PDE8B: variants seen among roughly 807,000 people sequenced by gnomAD.
The protein encoded by PDE8B is phosphodiesterase 8B, also known as high affinity cAMP-specific and IBMX-insensitive 3',5'-cyclic phosphodiesterase 8B.
A neutral mutation model predicts 101.3 loss-of-function variants in PDE8B; 26 were observed. The observed-to-expected ratio is 0.26, with a 90% CI of 0.19 to 0.36. The LOEUF (loss-of-function observed/expected upper bound fraction) is 0.36, where lower values mean the gene tolerates loss of function less well. Ranked by LOEUF, PDE8B falls within the 10% of genes least tolerant of loss-of-function variation. The pLI, the probability that PDE8B is intolerant of heterozygous loss-of-function variation, is 1.00. For synonymous variants in PDE8B, 424 were observed against 429.3 expected, an observed-to-expected ratio of 0.99 and a Z score of 0.15; for missense variants, 810 against 1,163.1, an observed-to-expected ratio of 0.70 and a Z score of 4.42.
chr5:77,169,270 G>T, the PDE8B span, among the ~76,000 whole-genome samples: 1 of 152,182 alleles, frequency 6.6e-6, no homozygotes, highest in Non-Finnish European at 1.5e-5. Context: ...TAGCAGGGGC[G>T]CAGTTCAGCT....
intron 1 of PDE8B, among the ~76,000 whole-genome samples, chr5:77,310,539 A>T (rs1772365396): frequency 6.6e-6 from 1 of 152,258 alleles, no homozygotes; most frequent in Non-Finnish European, 1.5e-5. Flanking sequence ...ACCTGAACAC[A>T]GCAGTGAAAC....
intron 1 of PDE8B, among the ~76,000 whole-genome samples, chr5:77,307,606 T>A (rs1026144729): frequency 2.6e-5 from 4 of 152,330 alleles, no homozygotes; most frequent in African/African-American, 9.6e-5. Context: ...CTTGTGTTTT[T>A]TTTTTCATGT....
chr5:77,157,045 A>T, the PDE8B span, among the ~76,000 whole-genome samples: 1 of 152,094 alleles, frequency 6.6e-6, no homozygotes, highest in African/African-American at 2.4e-5. Context: ...CAGCAGGGTG[A>T]TCATGGCTTC....
chr5:77,115,063 G>C, the PDE8B span: 1 of 152,118 alleles, frequency 6.6e-6, no homozygotes, highest in Admixed American at 6.6e-5. Context: ...CACCTTATTG[G>C]CCAAATGTGC....
intron 1 of PDE8B, among the ~76,000 whole-genome samples, chr5:77,296,015 C>T (rs1480677109): frequency 6.6e-6 from 1 of 152,154 alleles, no homozygotes. Context: ...AGTGGACTAG[C>T]CCAAGTCAAA....
At chr5:77,244,145 C>A (rs1367987764) in intron 1 of PDE8B, among the ~76,000 whole-genome samples, 2 of 152,036 alleles carry the variant, frequency 1.3e-5, no homozygotes, top group African/African-American at 4.8e-5. Context: ...GAAACCCAGG[C>A]TTGAAGATCG....
At chr5:77,098,155 A>G in the PDE8B span, among the ~76,000 whole-genome samples, 4 of 152,228 alleles carry the variant, frequency 2.6e-5, no homozygotes, top group Non-Finnish European at 4.4e-5. Flanking sequence ...TTTTCTAACT[A>G]TAAATGATTG....
intron 1 of PDE8B, among the ~76,000 whole-genome samples, chr5:77,304,901 G>A (rs1418632729): frequency 1.3e-5 from 2 of 152,174 alleles, no homozygotes; most frequent in Non-Finnish European, 2.9e-5. Flanking sequence ...AAAACCAGTG[G>A]AGGTATCTGG....
At chr5:77,143,716 C>T in the PDE8B span, among the ~76,000 whole-genome samples, 443 of 152,112 alleles carry the variant, frequency 2.9e-3, 2 homozygotes, top group African/African-American at 0.01. Context: ...TCTTCTTGTC[C>T]ACAGAGGGCA....
chr5:77,291,858 G>C, intron 1 of PDE8B: 1 of 1,457,632 alleles, frequency 6.9e-7, no homozygotes, highest in East Asian at 2.3e-5. Context: ...TGTTTTTGAA[G>C]AAGACAAAGA....
At chr5:77,099,999 G>T in the PDE8B span, among the ~76,000 whole-genome samples, 1 of 152,184 alleles carries the variant, frequency 6.6e-6, no homozygotes, top group African/African-American at 2.4e-5. Context: ...CATCAGCAAG[G>T]CATTTGATAC....
At chr5:77,364,782 G>A (rs1374520089) in intron 10 of PDE8B, among the ~76,000 whole-genome samples, 3 of 152,160 alleles carry the variant, frequency 2.0e-5, no homozygotes. Context: ...GGTGCCATTA[G>A]TTCTGCAAGT....
chr5:77,335,942 T>C (rs1009945253), intron 5 of PDE8B, among the ~76,000 whole-genome samples: 2 of 152,158 alleles, frequency 1.3e-5, no homozygotes, highest in African/African-American at 4.8e-5. Context: ...GTCAGAGAAG[T>C]GCTCAATTTC....
chr5:77,151,272 G>A, the PDE8B span: 1 of 152,354 alleles, frequency 6.6e-6, no homozygotes, highest in African/African-American at 2.4e-5. Flanking sequence ...AGGTCCTGGG[G>A]GATGGCAGAG....
rs773084480 is a variant in PDE8B, at chr5:77,353,449, T to C, written c.1167+43T>C. 8.3e-6 allele frequency: 9 copies of C among 1,086,224 alleles called. No homozygotes were observed. The South Asian group carries it at 8.7e-5, about 11-fold the overall frequency. 67.3% of individuals were successfully genotyped at this position (1,086,224 alleles called of 1,614,324 possible). A position where few individuals can be genotyped will look rare whatever the true frequency, so the allele number is the denominator to read the frequency against. On this transcript the variant is annotated intron_variant, in intron 10 of 21. Coordinates refer to ENST00000264917, the MANE Select transcript of PDE8B (RefSeq NM_003719.5). ...TTCGTTTGCTCTGTCTGTTTGGCCA[T>C]GCGTCACCTCTGTTCTCTGCTTATC...
the PDE8B span, among the ~76,000 whole-genome samples, chr5:77,099,652 C>T: frequency 6.6e-6 from 1 of 151,810 alleles, no homozygotes. Flanking sequence ...TACTCTGTCA[C>T]CCAGGCTGGA....
At chr5:77,278,038 A>C (rs569551279) in intron 1 of PDE8B, among the ~76,000 whole-genome samples, 34 of 152,274 alleles carry the variant, frequency 2.2e-4, no homozygotes, top group African/African-American at 7.9e-4. Context: ...CTGGGCACCA[A>C]ATGCTCTTAT....
the PDE8B span, among the ~76,000 whole-genome samples, chr5:77,196,107 GA>G: frequency 6.6e-6 from 1 of 151,912 alleles, no homozygotes; most frequent in African/African-American, 2.4e-5. Flanking sequence ...GTCTCTTTTT[GA>G]ATTGGATTGT....
At chr5:77,108,467 T>C in the PDE8B span, among the ~76,000 whole-genome samples, 1 of 152,154 alleles carries the variant, frequency 6.6e-6, no homozygotes, top group Non-Finnish European at 1.5e-5. Flanking sequence ...GCAGATCACT[T>C]AAGGCCAGGA....
Sources: gnomAD v4.1 joint callset for allele counts (sites outside exome capture counted in the v4.1 genomes callset) on GRCh38, gnomAD v4.1.1 for gene constraint, MANE v1.5 for transcripts, NCBI Gene and HGNC (gene_info 2026-07-23, HGNC 2026-07-21) for gene names.